The following SNTG2 variants were observed in gnomAD, a reference collection of about 807,000 sequenced individuals.
The protein encoded by SNTG2 is gamma-2-syntrophin.
Under a neutral mutation model 70.9 loss-of-function variants are expected in SNTG2, and 74 were observed. The observed-to-expected ratio is 1.04, with a 90% CI of 0.86 to 1.27. SNTG2 has a LOEUF of 1.27. Among genes scored for constraint, SNTG2 ranks in the 50% most tolerant of loss-of-function variants. The pLI, the probability that SNTG2 is intolerant of heterozygous loss-of-function variation, is 0.00. For synonymous variants in SNTG2, 278 were observed against 273.8 expected, an observed-to-expected ratio of 1.02 and a Z score of -0.15; for missense variants, 717 against 690.7, an observed-to-expected ratio of 1.04 and a Z score of -0.43.
intron 4 of SNTG2, among the ~76,000 whole-genome samples, chr2:1,111,193 T>C (rs1666415859): frequency 6.6e-6 from 1 of 152,218 alleles, no homozygotes; most frequent in South Asian, 2.1e-4. Context: ...AAAGTATAAA[T>C]AGAACTTGAC....
At chr2:1,036,923 T>C (rs573073868) in intron 1 of SNTG2, among the ~76,000 whole-genome samples, 1 of 152,334 alleles carries the variant, frequency 6.6e-6, no homozygotes, top group South Asian at 2.1e-4. Context: ...TGTCTCACCA[T>C]GTGAGAGACT....
At position 1,208,241 on chromosome 2, in the gene SNTG2, G is replaced by T. The variant is rs970579778; in HGVS notation, c.592-862G>T. Among the ~76,000 whole-genome samples, 17 of 141,058 alleles carry T rather than the reference G, an allele frequency of 1.2e-4. No individual in the cohort carries two copies. The Admixed American group carries it at 1.2e-3, about 10-fold the overall frequency. 92.5% of individuals were successfully genotyped at this position (141,058 alleles called of 152,430 possible). Reference sequence around the variant, plus strand: ...CGCGGGTTACACCTGTGAGTGTGGGGCACACCTGTGAGTGTGAGGCACGCC... The same window carrying T: ...CGCGGGTTACACCTGTGAGTGTGGGTCACACCTGTGAGTGTGAGGCACGCC... On this transcript the variant is annotated intron_variant, in intron 8 of 16. Transcript: ENST00000308624.
chr2:1,255,863 A>ATATAAAT (rs1678047504), intron 12 of SNTG2, among the ~76,000 whole-genome samples: 1 of 10,722 alleles, frequency 9.3e-5, no homozygotes, highest in African/African-American at 2.3e-4. Context: ...AATATATATA[A>ATATAAAT]ATATATATAA....
intron 16 of SNTG2, among the ~76,000 whole-genome samples, chr2:1,317,549 A>G (rs572489393): frequency 1.5e-4 from 19 of 125,650 alleles, no homozygotes; most frequent in African/African-American, 5.5e-4. Context: ...CCAGCATTGG[A>G]GAAGGTTGGG....
intron 8 of SNTG2, among the ~76,000 whole-genome samples, chr2:1,190,884 T>G (rs533974680): frequency 6.6e-6 from 1 of 152,170 alleles, no homozygotes; most frequent in Admixed American, 6.6e-5. Flanking sequence ...TATAAATTAG[T>G]GCAACCACTT....
At chr2:1,083,756 G>A (rs35463228) in intron 2 of SNTG2, 101 bp downstream of exon 2, 513,327 of 1,308,172 alleles carry the variant, frequency 0.39, 110,399 homozygotes, top group Non-Finnish European at 0.44. Flanking sequence ...AGCAAAAGCT[G>A]CTACTCGTTA....
chr2:1,120,501 C>A (rs1352262859), intron 4 of SNTG2, among the ~76,000 whole-genome samples: 3 of 152,110 alleles, frequency 2.0e-5, no homozygotes. Flanking sequence ...TATATACTGG[C>A]TATAAGAGAC....
At chr2:1,076,211 A>G (rs1663904289) in intron 1 of SNTG2, among the ~76,000 whole-genome samples, 1 of 152,364 alleles carries the variant, frequency 6.6e-6, no homozygotes, top group South Asian at 2.1e-4. Context: ...TTAGAAGTTT[A>G]GAATTCTTGA....
chr2:1,105,731 G>A (rs556676801), intron 4 of SNTG2, among the ~76,000 whole-genome samples: 8 of 152,242 alleles, frequency 5.3e-5, no homozygotes, highest in East Asian at 1.9e-4. Flanking sequence ...AATCATCCAC[G>A]ACTTCATTGC....
At chr2:1,262,756 C>T (rs1174827822) in intron 13 of SNTG2, 3 of 151,346 alleles carry the variant, frequency 2.0e-5, no homozygotes, top group Admixed American at 6.6e-5. Flanking sequence ...TCCGTGCAGA[C>T]GAGGCAACCC....
At chr2:1,302,081 C>A (rs927602583) in intron 14 of SNTG2, among the ~76,000 whole-genome samples, 1 of 151,934 alleles carries the variant, frequency 6.6e-6, no homozygotes, top group Non-Finnish European at 1.5e-5. Flanking sequence ...CCTGCCTCAT[C>A]CTCCCAAGTA....
rs1165622775 is a variant in SNTG2, at chr2:1,022,172, C to T, written c.73-61346C>T. Among the ~76,000 whole-genome samples, 8 of 151,952 alleles carry T rather than the reference C, an allele frequency of 5.3e-5. No homozygotes were observed. In the South Asian group the frequency reaches 6.2e-4, roughly 12 times the overall value. On this transcript the variant is annotated intron_variant, in intron 1 of 16. Coordinates refer to ENST00000308624, the MANE Select transcript of SNTG2 (RefSeq NM_018968.4). The stretch of plus-strand genomic sequence containing the variant: ...GTGTTCCCATTACTGGGCATTTATC[C>T]GAAGGAAAGGAAATCCTGCGCTCCT...
intron 1 of SNTG2, among the ~76,000 whole-genome samples, chr2:970,672 T>C (rs1314388402): frequency 6.8e-6 from 1 of 147,538 alleles, no homozygotes; most frequent in East Asian, 2.0e-4. Flanking sequence ...CTATCATTGT[T>C]GGACATTTGG....
chr2:966,923 G>A (rs955733575), intron 1 of SNTG2, among the ~76,000 whole-genome samples: 7 of 151,996 alleles, frequency 4.6e-5, no homozygotes, highest in Non-Finnish European at 8.8e-5. Context: ...CTCCAGCCTG[G>A]GCGACAGAGC....
intron 9 of SNTG2, among the ~76,000 whole-genome samples, chr2:1,223,397 C>A (rs868598785): frequency 2.2e-5 from 2 of 91,614 alleles, no homozygotes; most frequent in African/African-American, 4.1e-5. Flanking sequence ...AGGAAAGCAG[C>A]GCAGTGATGG....
chr2:1,148,536 A>G (rs1232023272), intron 6 of SNTG2, among the ~76,000 whole-genome samples: 1 of 152,208 alleles, frequency 6.6e-6, no homozygotes, highest in Non-Finnish European at 1.5e-5. Flanking sequence ...TGAGCTCTTC[A>G]TGCTGAAGAT....
intron 16 of SNTG2, among the ~76,000 whole-genome samples, chr2:1,336,859 C>T (rs929258690): frequency 6.6e-6 from 1 of 152,092 alleles, no homozygotes; most frequent in African/African-American, 2.4e-5. Context: ...GTTGTTACAG[C>T]TTTGTAGTAT....
In SNTG2 at chr2:1,361,903, C is replaced by A. The variant is rs1420063148; in HGVS notation, c.1489-5440C>A. ...ACGCTGAGCATTTCAGTAGAACTTC[C>A]ATGAAGGTCACCAACGCTGAGCATT... On this transcript the variant is annotated intron_variant, in intron 16 of 16. Coordinates refer to ENST00000308624, the MANE Select transcript of SNTG2 (RefSeq NM_018968.4). Among the ~76,000 whole-genome samples the A allele has an allele frequency of 6.4e-5, 6 of 94,476 alleles. 1 individual carries two copies. The highest frequency in any genetic ancestry group is 2.3e-4 in the African/African-American group (6 of 25,846). 62.0% of individuals were successfully genotyped at this position (94,476 alleles called of 152,430 possible). A position where few individuals can be genotyped will look rare whatever the true frequency, so the allele number is the denominator to read the frequency against.
rs182057084 is a variant in SNTG2, at chr2:1,301,084, G to A, written c.1285-7410G>A. Among the ~76,000 whole-genome samples the A allele has an allele frequency of 1.1e-4, 16 of 152,098 alleles. No individual in the cohort carries two copies. The East Asian group carries it at 1.7e-3, about 17-fold the overall frequency. On this transcript the variant is annotated intron_variant, in intron 14 of 16. Coordinates refer to ENST00000308624, the MANE Select transcript of SNTG2 (RefSeq NM_018968.4). ...AAAATGGGATGGCTTTAGACCTGCC[G>A]AGCTCTCACAGCACTCAGCTCAAGC...
Sources: gnomAD v4.1 joint callset for allele counts (sites outside exome capture counted in the v4.1 genomes callset) on GRCh38, gnomAD v4.1.1 for gene constraint, MANE v1.5 for transcripts, NCBI Gene and HGNC (gene_info 2026-07-23, HGNC 2026-07-21) for gene names.